RBM6: variants seen among roughly 807,000 people sequenced by gnomAD.
The protein encoded by RBM6 is RNA binding motif protein 6.
RBM6 carries 23 observed loss-of-function variants against 140.4 expected under a neutral mutation model. That is an observed-to-expected ratio of 0.16 (90% CI 0.12 to 0.23). RBM6 has a LOEUF of 0.23. Among genes scored for constraint, RBM6 ranks in the 10% least tolerant of loss-of-function variants. The pLI is 1.00. For missense variants in RBM6, 1,139 were observed against 1,386.7 expected (o/e 0.82, Z 2.84); for synonymous variants, 439 against 475.6 (o/e 0.92, Z 1.00).
Position 50,058,541 on chromosome 3 carries a change from T to C in RBM6, c.2109T>C (p.Phe703=), listed in dbSNP as rs1157205445. The change falls in exon 10 of 21, where the codon TTT becomes TTC. Residue 703 remains phenylalanine, a synonymous_variant. Coordinates refer to ENST00000266022, the MANE Select transcript of RBM6 (RefSeq NM_005777.3). ...GCCCTATGGGGCATACCTATGGCTT[T>C]ATTGACCTCGACTCCCATGCGGTGA... is the stretch of plus-strand genomic sequence containing the variant. ...RTGPMGHTYG[F]IDLDSHAEAL... is the part of the protein sequence containing the mutation. 1 of 1,610,758 alleles carries C rather than the reference T, an allele frequency of 6.2e-7. No homozygotes were observed.
chr3:50,012,703 C>T (rs2086912924), intron 6 of RBM6, among the ~76,000 whole-genome samples: 1 of 147,738 alleles, frequency 6.8e-6, no homozygotes, highest in Non-Finnish European at 1.5e-5. Context: ...AAAAAAGCTG[C>T]AAAAATTCCT....
Position 49,968,421 on chromosome 3 carries a change from A to G in RBM6, c.996A>G (p.Gly332=), listed in dbSNP as rs767321378. Residue 332 remains glycine, a synonymous_variant, in exon 3 of 21, where the codon GGA becomes GGG. Transcript: ENST00000266022. ...GGCCTGCTTTTGGCATTCAGAAGGG[A>G]GAATTTGAGCATTCAGAAACAAGAG... is the stretch of plus-strand genomic sequence containing the variant. ...IERPAFGIQK[G]EFEHSETREG... 1 of 1,614,208 alleles carries G rather than the reference A, an allele frequency of 6.2e-7. No individual in the cohort carries two copies. Among genetic ancestry groups the G allele is most frequent in the Non-Finnish European group, 8.5e-7 (1 of 1,180,038 alleles).
At chr3:50,071,080 T>C (rs1181213068) in intron 19 of RBM6, among the ~76,000 whole-genome samples, 2 of 152,188 alleles carry the variant, frequency 1.3e-5, no homozygotes, top group Admixed American at 6.5e-5. Context: ...AGATTATCCT[T>C]GACTGAACAC....
At chr3:50,075,688 G>A (rs1294679308) in intron 20 of RBM6, among the ~76,000 whole-genome samples, 2 of 152,136 alleles carry the variant, frequency 1.3e-5, no homozygotes, top group South Asian at 2.1e-4. Flanking sequence ...GACTGTCAGC[G>A]GAAGTCTTTG....
At position 49,968,294 on chromosome 3, in the gene RBM6, C is replaced by T; in HGVS notation, c.869C>T (p.Pro290Leu). The change falls in exon 3 of 21, where the codon CCA (proline) becomes CTA (leucine). Residue 290 changes from proline to leucine, a missense_variant. Around this residue, in one of 9 missense-constraint regions of RBM6, gnomAD observed 566 missense variants for 612.7 expected, o/e 0.92. Transcript: ENST00000266022. ...GATAGGGAGATGCCCCCTGTGGATC[C>T]AAATATTTTGGATTACATTCAGCCC... ...FKDREMPPVDPNILDYIQPST... is the reference protein window; with the variant it reads ...FKDREMPPVDLNILDYIQPST... 1 of 1,613,914 alleles carries T rather than the reference C, an allele frequency of 6.2e-7. No individual in the cohort carries two copies. Among genetic ancestry groups the T allele is most frequent in the Non-Finnish European group, 8.5e-7 (1 of 1,179,968 alleles).
At chr3:49,950,103 A>G (rs1251167205) in intron 1 of RBM6, among the ~76,000 whole-genome samples, 1 of 152,124 alleles carries the variant, frequency 6.6e-6, no homozygotes, top group East Asian at 1.9e-4. Flanking sequence ...TTGAGTGCAT[A>G]TTAAAGTTGC....
intron 3 of RBM6, among the ~76,000 whole-genome samples, chr3:49,970,956 C>T (rs1419296181): frequency 6.6e-6 from 1 of 151,862 alleles, no homozygotes; most frequent in African/African-American, 2.4e-5. Flanking sequence ...ATGGTGAAAC[C>T]CCATCTCTAC....
At chr3:49,989,544 C>G (rs931894780) in intron 5 of RBM6, among the ~76,000 whole-genome samples, 1 of 152,048 alleles carries the variant, frequency 6.6e-6, no homozygotes, top group Non-Finnish European at 1.5e-5. Flanking sequence ...GCACTCTAGC[C>G]TGGGGCCACA....
At chr3:49,996,543 C>T (rs1028627142) in intron 5 of RBM6, among the ~76,000 whole-genome samples, 1 of 152,150 alleles carries the variant, frequency 6.6e-6, no homozygotes, top group Non-Finnish European at 1.5e-5. Context: ...ATTTTTGTAG[C>T]TGTCATTTAT....
intron 6 of RBM6, among the ~76,000 whole-genome samples, chr3:50,040,471 AATATATATAT>A (rs869038826): frequency 2.5e-3 from 83 of 33,534 alleles, no homozygotes; most frequent in East Asian, 0.012. Flanking sequence ...AAAAAAAAAA[AATATATATAT>A]ATATATATAT....
chr3:50,054,508 CTTTTT>C, intron 8 of RBM6, 113 bp downstream of exon 8: 7 of 722,164 alleles, frequency 9.7e-6, no homozygotes, highest in South Asian at 3.5e-5. Flanking sequence ...ATCTACAAAC[CTTTTT>C]TTTTTTTTTT....
Position 50,030,537 on chromosome 3 carries a change from A to G in RBM6, c.1558-17708A>G, listed in dbSNP as rs140740082. 3.1e-3 allele frequency among the ~76,000 whole-genome samples: 476 copies of G among 152,252 alleles called. 3 individuals are homozygous for G. Among genetic ancestry groups the G allele is most frequent in the African/African-American group, 0.011 (466 of 41,530 alleles). On this transcript the variant is annotated intron_variant, in intron 6 of 20. Coordinates refer to ENST00000266022, the MANE Select transcript of RBM6 (RefSeq NM_005777.3). ...TTTATAGTTTATGAATTTTAAGCAA[A>G]ATACTTCCTTCTGCCTCTTACCAGT... is the stretch of plus-strand genomic sequence containing the variant.
At chr3:49,952,219 TG>T (rs1369909699) in intron 1 of RBM6, among the ~76,000 whole-genome samples, 2 of 150,950 alleles carry the variant, frequency 1.3e-5, no homozygotes, top group East Asian at 4.0e-4. Flanking sequence ...TTAGTAGAGA[TG>T]GGGTTTCACC....
intron 4 of RBM6, among the ~76,000 whole-genome samples, chr3:49,973,500 A>T (rs2084897454): frequency 6.6e-6 from 1 of 152,106 alleles, no homozygotes; most frequent in Admixed American, 6.6e-5. Context: ...CTAAAAGGTT[A>T]CACAGCAAGT....
At chr3:49,999,283 T>C (rs1323652977) in intron 5 of RBM6, among the ~76,000 whole-genome samples, 157 bp from the exon 6 acceptor site, 1 of 152,108 alleles carries the variant, frequency 6.6e-6, no homozygotes, top group African/African-American at 2.4e-5. Flanking sequence ...CAATACTTTT[T>C]TCTATTTGGG....
At chr3:50,059,767 T>C in intron 11 of RBM6, 21 bp downstream of exon 11, 1 of 1,578,406 alleles carries the variant, frequency 6.3e-7, no homozygotes, top group Non-Finnish European at 8.7e-7. Context: ...AGGGTGAGGA[T>C]CTCTTGTGCT....
At chr3:50,056,368 C>T (rs999193867) in intron 8 of RBM6, among the ~76,000 whole-genome samples, 9 of 151,652 alleles carry the variant, frequency 5.9e-5, no homozygotes, top group African/African-American at 2.2e-4. Context: ...AATCTCGGCT[C>T]ACTGCAAGCT....
At chr3:49,945,857 G>A (rs2083462147) in intron 1 of RBM6, among the ~76,000 whole-genome samples, 2 of 145,342 alleles carry the variant, frequency 1.4e-5, no homozygotes, top group South Asian at 4.4e-4. Context: ...ACTCCAGCCT[G>A]GGCGACAGAG....
intron 6 of RBM6, among the ~76,000 whole-genome samples, chr3:50,040,460 AAAAAAAAAAAAAT>A (rs1421727388): frequency 0.018 from 898 of 48,792 alleles, 13 homozygotes; most frequent in African/African-American, 0.053. Flanking sequence ...AAAAAAAAAA[AAAAAAAAAAAAAT>A]ATATATATAT....
Sources: gnomAD v4.1 joint callset for allele counts (sites outside exome capture counted in the v4.1 genomes callset) on GRCh38, gnomAD v4.1.1 for gene constraint, gnomAD v4.1.1 regional missense constraint, MANE v1.5 for transcripts, NCBI Gene and HGNC (gene_info 2026-07-23, HGNC 2026-07-21) for gene names.